Variants in NBPF14 observed in about 807,000 individuals in gnomAD.
NBPF14 encodes NBPF family member NBPF14.
Under a neutral mutation model 91.2 loss-of-function variants are expected in NBPF14, and 104 were observed. The ratio of observed to expected loss-of-function variants is 1.14; its 90% CI spans 0.97 to 1.34. The LOEUF (loss-of-function observed/expected upper bound fraction) is 1.34. NBPF14 is among the 40% of genes most tolerant of loss of function. NBPF14 has a pLI of 0.00. For synonymous variants in NBPF14, 294 were observed against 303.8 expected (o/e 0.97, Z 0.34); for missense variants, 908 against 783.0 (o/e 1.16, Z -1.91).
chr1:148,568,878 C>T (rs1658761925), intron 25 of NBPF14, among the ~76,000 whole-genome samples: 2 of 148,014 alleles, frequency 1.4e-5, no homozygotes, highest in Non-Finnish European at 3.0e-5. Flanking sequence ...CCTGTCTCAT[C>T]AAATACTCAG....
At chr1:148,574,483 A>AGG in intron 18 of NBPF14, among the ~76,000 whole-genome samples, 1 of 42,478 alleles carries the variant, frequency 2.4e-5, no homozygotes. Flanking sequence ...AGAGAGAGAG[A>AGG]GAGAGAACGA....
chr1:148,572,672 C>G, intron 20 of NBPF14, 57 bp from the exon 21 acceptor site: 1 of 672,294 alleles, frequency 1.5e-6, no homozygotes, highest in South Asian at 1.5e-5. Context: ...ACCACACAGC[C>G]CCAGCTAGAT....
chr1:148,579,802 T>C (rs1360599283), intron 12 of NBPF14, among the ~76,000 whole-genome samples: 1 of 152,026 alleles, frequency 6.6e-6, no homozygotes, highest in Non-Finnish European at 1.5e-5. Flanking sequence ...AAATCCCTGT[T>C]TGAGGGTCTG....
exon 4 of NBPF14, chr1:148,592,743 G>A: frequency 2.5e-6 from 4 of 1,585,308 alleles, no homozygotes; most frequent in South Asian, 1.1e-5. Context: ...TCGTTCCTGA[G>A]AGTGAACCAG....
chr1:148,577,054 T>C (rs1570990929), intron 15 of NBPF14, 129 bp downstream of exon 15: 1 of 669,796 alleles, frequency 1.5e-6, no homozygotes, highest in East Asian at 2.7e-5. Context: ...TCATTCAACC[T>C]ACATGTGCCT....
At chr1:148,569,618 A>G (rs1418893219) in intron 24 of NBPF14, among the ~76,000 whole-genome samples, 191 bp from the exon 25 acceptor site, 1 of 24,636 alleles carries the variant, frequency 4.1e-5, no homozygotes, top group Non-Finnish European at 7.1e-5. Flanking sequence ...AGAGAGAGAC[A>G]GACAGAGACA....
exon 15 of NBPF14, chr1:148,577,309 C>A (rs1449399043): frequency 6.4e-6 from 4 of 620,744 alleles, no homozygotes; most frequent in East Asian, 2.7e-5. Flanking sequence ...TCCAGTGAGT[C>A]CTGCAAGACT....
rs1372753983 is a variant in NBPF14 at position 148,534,813 on chromosome 1, G to C, written c.8485C>G (p.Gln2829Glu). 3.7e-6 allele frequency: 4 copies of C among 1,093,106 alleles called. No individual in the cohort carries two copies. In the South Asian group the frequency reaches 3.8e-5, roughly 10 times the overall value. 67.7% of individuals were successfully genotyped at this position (1,093,106 alleles called of 1,614,324 possible). ...GAATAACATCTATCCAGTGAGTCCT[G>C]CAAGACTTCAGGATCTTTCTCATCC... The change falls in exon 69 of 71, where the codon CAG becomes GAG. Residue 2829 changes from glutamine to glutamate, a missense_variant. Gln to Glu is a conservative substitution (Grantham distance 29). Coordinates refer to ENST00000619423, the Ensembl canonical transcript of NBPF14.
At chr1:148,594,068 G>A (rs1248539552) in intron 2 of NBPF14, among the ~76,000 whole-genome samples, 2 of 147,754 alleles carry the variant, frequency 1.4e-5, no homozygotes, top group Non-Finnish European at 3.0e-5. Context: ...GTGATTTCTT[G>A]TACAGTCGGG....
In NBPF14 at chr1:148,577,915, G is replaced by A. The variant is rs1182572217; in HGVS notation, c.1853+68C>T. On this transcript the variant is annotated intron_variant, in intron 14 of 70. Coordinates refer to ENST00000619423, the Ensembl canonical transcript of NBPF14. ...AAAATCATTATTTTCAGGATGTACT[G>A]TTTTCCCTGGACTTGGCATCTCCAG... 3.8e-5 allele frequency: 24 copies of A among 636,596 alleles called. No individual in the cohort carries two copies. The East Asian group carries it at 6.2e-4, about 16-fold the overall frequency. 39.4% of individuals were successfully genotyped at this position (636,596 alleles called of 1,614,324 possible). A position where few individuals can be genotyped will look rare whatever the true frequency, so the allele number is the denominator to read the frequency against.
At chr1:148,533,363 C>T (rs1264291911) in intron 70 of NBPF14, 115 bp from the exon 71 acceptor site, 2 of 530,240 alleles carry the variant, frequency 3.8e-6, no homozygotes, top group Non-Finnish European at 6.6e-6. Context: ...AGGATAGAAC[C>T]ATTAATGAGG....
At chr1:148,560,232 C>G (rs1424646235) in intron 36 of NBPF14, among the ~76,000 whole-genome samples, 53 of 150,526 alleles carry the variant, frequency 3.5e-4, no homozygotes, top group South Asian at 2.5e-3. Flanking sequence ...AGGTGACATA[C>G]TGGTAAGGGA....
At position 148,534,959 on chromosome 1, in the gene NBPF14, A is replaced by T. The variant is rs1466133880; in HGVS notation, c.8442-103T>A. 1.0e-4 allele frequency: 78 copies of T among 742,924 alleles called. 3 individuals carry two copies. Among genetic ancestry groups the T allele is most frequent in the East Asian group, 3.3e-4 (13 of 39,686 alleles). The allele number at this position is 742,924 out of a possible 1,614,324, so 46.0% of individuals were successfully genotyped here. ...ACATAAGGAACAGTTTAAAAAGAAAAAGGACAGATCCATTAATGAGGTAAC... is the reference window on the plus strand; with the variant it reads ...ACATAAGGAACAGTTTAAAAAGAAATAGGACAGATCCATTAATGAGGTAAC... On this transcript the variant is annotated intron_variant, in intron 68 of 70. Coordinates refer to ENST00000619423, the Ensembl canonical transcript of NBPF14.
intron 16 of NBPF14, among the ~76,000 whole-genome samples, chr1:148,576,118 A>T (rs1347157597): frequency 1.3e-4 from 16 of 126,796 alleles, no homozygotes; most frequent in Middle Eastern, 3.8e-3. Context: ...CACACAGCGA[A>T]CAGTGATCAT....
exon 69 of NBPF14, chr1:148,534,718 C>T: frequency 1.2e-6 from 1 of 839,108 alleles, no homozygotes. Flanking sequence ...GGTACTGTTC[C>T]TCCAATGAGT....
Position 148,579,055 on chromosome 1 carries a change from T to C in NBPF14, c.1801+19A>G, listed in dbSNP as rs2149545160. 1 of 557,792 alleles carries C rather than the reference T, an allele frequency of 1.8e-6. No homozygotes were observed. Among genetic ancestry groups the C allele is most frequent in the East Asian group, 2.9e-5 (1 of 34,010 alleles). 34.6% of individuals were successfully genotyped at this position (557,792 alleles called of 1,614,324 possible). ...GGCCATGAACTGGAGCTTTATCACC[T>C]TCACAATGGAGTACTCACTGCCTAT... is the stretch of plus-strand genomic sequence containing the variant. On this transcript the variant is annotated intron_variant, in intron 13 of 70. Transcript: ENST00000619423.
At position 148,572,433 on chromosome 1, in the gene NBPF14, A is replaced by C. The variant is rs1376239237; in HGVS notation, c.2758+10T>G. The C allele has an allele frequency of 7.3e-5, 35 of 480,878 alleles. 2 individuals are homozygous for C. Among genetic ancestry groups the C allele is most frequent in the Middle Eastern group, 4.9e-4 (1 of 2,058 alleles). 29.8% of individuals were successfully genotyped at this position (480,878 alleles called of 1,614,324 possible). On this transcript the variant is annotated intron_variant, in intron 21 of 70. Coordinates refer to ENST00000619423, the Ensembl canonical transcript of NBPF14. The stretch of plus-strand genomic sequence containing the variant: ...GTGGAGGCTTATCACCTTCACAGTA[A>C]GGTACTCACTGTCCACGTCAAGAGC...
intron 14 of NBPF14, among the ~76,000 whole-genome samples, chr1:148,577,645 C>T (rs1282773598): frequency 3.4e-5 from 5 of 149,206 alleles, no homozygotes; most frequent in African/African-American, 1.3e-4. Context: ...TCAAAGGACA[C>T]TCTGTATTTG....
rs1162045871 is a variant in NBPF14, at chr1:148,534,709, G to T, written c.8589C>A (p.Tyr2863Ter). Residue 2863 changes from tyrosine (Y) to a stop codon, truncating the protein, a stop_gained, in exon 69 of 71, where the codon TAC (tyrosine) becomes TAA (stop). Coordinates refer to ENST00000619423, the Ensembl canonical transcript of NBPF14. LOFTEE classifies it high-confidence loss of function. ...TGTCCACGTCAAGAGCCAAGCCAAG[G>T]TACTGTTCCTCCAATGAGTAAACAG... 1 of 839,096 alleles carries T rather than the reference G, an allele frequency of 1.2e-6. No homozygotes were observed. Among genetic ancestry groups the T allele is most frequent in the Non-Finnish European group, 2.1e-6 (1 of 483,396 alleles). 52.0% of individuals were successfully genotyped at this position (839,096 alleles called of 1,614,324 possible).
Sources: gnomAD v4.1 joint callset for allele counts (sites outside exome capture counted in the v4.1 genomes callset) on GRCh38, gnomAD v4.1.1 for gene constraint, MANE v1.5 for transcripts, NCBI Gene and HGNC (gene_info 2026-07-23, HGNC 2026-07-21) for gene names.